SNX7: variants seen among roughly 807,000 people sequenced by gnomAD.
The protein encoded by SNX7 is sorting nexin 7.
In SNX7, 35 loss-of-function variants were observed where a neutral mutation model predicts 48.4. The observed-to-expected ratio is 0.72, with a 90% CI of 0.55 to 0.96. The LOEUF is 0.96. Among genes scored for constraint, SNX7 ranks in the 40% least tolerant of loss-of-function variants. The probability of loss-of-function intolerance (pLI) is 0.00; values close to 1 mark genes in which losing one functional copy is unlikely to be tolerated. For missense variants in SNX7, 553 were observed against 548.9 expected, an observed-to-expected ratio of 1.01 and a Z score of -0.07; for synonymous variants, 190 against 190.2, an observed-to-expected ratio of 1.00 and a Z score of 0.01.
At chr1:98,676,365 T>C (rs1348198400) in intron 1 of SNX7, among the ~76,000 whole-genome samples, 1 of 152,198 alleles carries the variant, frequency 6.6e-6, no homozygotes, top group East Asian at 1.9e-4. Flanking sequence ...AAGACATTTA[T>C]TGCTTCTAAA....
intron 8 of SNX7, among the ~76,000 whole-genome samples, chr1:98,740,361 A>G (rs1363753008): frequency 6.6e-6 from 1 of 152,198 alleles, no homozygotes; most frequent in Non-Finnish European, 1.5e-5. Context: ...AAGAAAGTCA[A>G]CATGTGATGA....
intron 8 of SNX7, among the ~76,000 whole-genome samples, chr1:98,754,173 T>C (rs909379665): frequency 2.0e-5 from 3 of 152,120 alleles, no homozygotes; most frequent in Admixed American, 2.0e-4. Flanking sequence ...ATTTGATAAA[T>C]ACTTGAATGT....
chr1:98,718,944 G>C (rs1652725991), intron 7 of SNX7, among the ~76,000 whole-genome samples: 1 of 151,938 alleles, frequency 6.6e-6, no homozygotes, highest in Non-Finnish European at 1.5e-5. Flanking sequence ...ACCCCTGCTG[G>C]TAAATATTTA....
intron 8 of SNX7, among the ~76,000 whole-genome samples, chr1:98,748,532 A>G (rs1046783968): frequency 6.6e-5 from 10 of 151,912 alleles, no homozygotes; most frequent in Non-Finnish European, 1.2e-4. Flanking sequence ...AAAAATGTCT[A>G]GTTTCTGAAT....
chr1:98,736,877 C>T (rs1288509170), intron 7 of SNX7, among the ~76,000 whole-genome samples: 1 of 152,116 alleles, frequency 6.6e-6, no homozygotes, highest in Non-Finnish European at 1.5e-5. Flanking sequence ...AAAAGATGGC[C>T]TCTCACAAAT....
rs2101035256 is a variant in SNX7 at position 98,738,532 on chromosome 1, A to C, written c.1278+143A>C. 3.9e-6 allele frequency: 3 copies of C among 762,310 alleles called. No homozygotes were observed. The East Asian group carries it at 8.3e-5, about 21-fold the overall frequency. 47.2% of individuals were successfully genotyped at this position (762,310 alleles called of 1,614,324 possible). On this transcript the variant is annotated intron_variant, in intron 8 of 8. Coordinates refer to ENST00000306121, the MANE Select transcript of SNX7 (RefSeq NM_015976.5). ...GTAGCTTGGTTTTGATGAAGTTGTCAGTTACCATTTGGTTTTGTTTATCCT... is the reference window on the plus strand; with the variant it reads ...GTAGCTTGGTTTTGATGAAGTTGTCCGTTACCATTTGGTTTTGTTTATCCT...
chr1:98,728,200 C>A (rs1653293417), intron 7 of SNX7, among the ~76,000 whole-genome samples: 1 of 152,176 alleles, frequency 6.6e-6, no homozygotes, highest in South Asian at 2.1e-4. Flanking sequence ...AGCAGAAACC[C>A]TGCAAGCCAG....
intron 8 of SNX7, among the ~76,000 whole-genome samples, chr1:98,751,999 TACTA>T (rs756193174): frequency 6.6e-6 from 1 of 152,220 alleles, no homozygotes; most frequent in South Asian, 2.1e-4. Flanking sequence ...TTTTGACAGA[TACTA>T]ACTTTTTTCA....
rs975390159 is a variant in SNX7, at chr1:98,743,095, A to G, written c.1278+4706A>G. ...AGAATTTCAAGAAATAAGCAGGTCTATCTATGATTACTGCATTTCTTATTC... is the reference window on the plus strand; with the variant it reads ...AGAATTTCAAGAAATAAGCAGGTCTGTCTATGATTACTGCATTTCTTATTC... On this transcript the variant is annotated intron_variant, in intron 8 of 8. Coordinates refer to ENST00000306121, the MANE Select transcript of SNX7 (RefSeq NM_015976.5). Among the ~76,000 whole-genome samples the G allele has an allele frequency of 5.7e-4, 47 of 82,934 alleles. 1 individual carries two copies. Among genetic ancestry groups the G allele is most frequent in the African/African-American group, 1.8e-3 (43 of 24,160 alleles). The allele number at this position is 82,934 out of a possible 152,430, so 54.4% of individuals were successfully genotyped here. A position where few individuals can be genotyped will look rare whatever the true frequency, so the allele number is the denominator to read the frequency against.
intron 7 of SNX7, among the ~76,000 whole-genome samples, chr1:98,720,433 T>TAC (rs1652803592): frequency 6.6e-6 from 1 of 151,970 alleles, no homozygotes. Flanking sequence ...TGAGAAAATA[T>TAC]TCAGTAATAT....
At chr1:98,759,943 GAGA>G in intron 8 of SNX7, 108 bp from the exon 9 acceptor site, 2 of 673,482 alleles carry the variant, frequency 3.0e-6, no homozygotes, top group South Asian at 3.9e-5. Context: ...GCTGATGGGA[GAGA>G]AGAATAGAGC....
intron 1 of SNX7, among the ~76,000 whole-genome samples, chr1:98,678,798 C>T (rs763188085): frequency 6.6e-6 from 1 of 152,038 alleles, no homozygotes; most frequent in African/African-American, 2.4e-5. Flanking sequence ...AGTCTATAGT[C>T]ATATAATTAA....
chr1:98,701,853 C>G lies in SNX7; in HGVS notation c.1075C>G (p.Leu359Val). 6.2e-7 allele frequency: 1 copy of G among 1,611,130 alleles called. No homozygotes were observed. The change falls in exon 7 of 9, where the codon CTG becomes GTG. Residue 359 changes from leucine (L) to valine (V), a missense_variant. Leu to Val is a conservative substitution (Grantham distance 32). Coordinates refer to ENST00000306121, the MANE Select transcript of SNX7 (RefSeq NM_015976.5). ...MKRRDQIQAE[L>V]DSKVEVLTYK... ...AAGAAGAGACCAAATACAAGCAGAA[C>G]TGGATTCCAAAGTTGAAGTTTTGAC...
chr1:98,748,201 G>A (rs2101049316), intron 8 of SNX7, among the ~76,000 whole-genome samples: 1 of 152,010 alleles, frequency 6.6e-6, no homozygotes, highest in South Asian at 2.1e-4. Flanking sequence ...GGCCAGGCTG[G>A]TCTCAAACTC....
chr1:98,715,017 A>G (rs1652512242), intron 7 of SNX7, among the ~76,000 whole-genome samples: 1 of 152,192 alleles, frequency 6.6e-6, no homozygotes, highest in Admixed American at 6.5e-5. Context: ...ACCTTTGAAT[A>G]GTGTGTTTCT....
intron 1 of SNX7, among the ~76,000 whole-genome samples, chr1:98,664,557 A>AT (rs1374902821): frequency 1.3e-5 from 2 of 151,838 alleles, no homozygotes; most frequent in Non-Finnish European, 1.5e-5. Flanking sequence ...ACTTCTTATT[A>AT]TTTTTTTTCC....
At chr1:98,709,144 G>A (rs1652170716) in intron 7 of SNX7, among the ~76,000 whole-genome samples, 1 of 152,160 alleles carries the variant, frequency 6.6e-6, no homozygotes, top group African/African-American at 2.4e-5. Flanking sequence ...TCCGTAGAGT[G>A]TTGTTAAATG....
At chr1:98,750,437 G>C (rs1413117609) in intron 8 of SNX7, among the ~76,000 whole-genome samples, 6 of 151,756 alleles carry the variant, frequency 4.0e-5, no homozygotes, top group Non-Finnish European at 1.5e-5. Flanking sequence ...GATTTGTTTG[G>C]GTGTTAAAAT....
At position 98,661,897 on chromosome 1, in the gene SNX7, G is replaced by C. The variant is rs1210623549; in HGVS notation, c.166G>C (p.Glu56Gln). The change falls in exon 1 of 9, where the codon GAG (glutamate) becomes CAG (glutamine). Residue 56 changes from glutamate to glutamine, a missense_variant. By Grantham distance (29) the Glu-to-Gln change is conservative (BLOSUM62 2). Transcript: ENST00000306121. ...LDLDEDEDDL[E>Q]VFSKDASLMD... ...TCTGGACGAGGACGAGGACGACCTG[G>C]AGGTGTTCAGCAAGGTGAGGGCGGC... 18 of 1,247,618 alleles carry C rather than the reference G, an allele frequency of 1.4e-5. No homozygotes were observed. In the East Asian group the frequency reaches 4.7e-4, roughly 33 times the overall value. 77.3% of individuals were successfully genotyped at this position (1,247,618 alleles called of 1,614,324 possible).
Sources: allele counts gnomAD v4.1 joint callset (sites outside exome capture counted in the v4.1 genomes callset), GRCh38; gene constraint gnomAD v4.1.1; transcripts MANE v1.5; gene names NCBI Gene and HGNC (gene_info 2026-07-23, HGNC 2026-07-21).